The following CRPPA variants were observed in gnomAD, a reference collection of about 807,000 sequenced individuals.
CRPPA encodes CDP-L-ribitol pyrophosphorylase A, also known as D-ribitol-5-phosphate cytidylyltransferase.
A neutral mutation model predicts 52.0 loss-of-function variants in CRPPA; 43 were observed. That is an observed-to-expected ratio of 0.83 (90% confidence interval 0.65 to 1.07). The LOEUF (loss-of-function observed/expected upper bound fraction) is 1.07. Among genes scored for constraint, CRPPA ranks in the 50% least tolerant of loss-of-function variants. The pLI, the probability that CRPPA is intolerant of heterozygous loss-of-function variation, is 0.00. For synonymous variants in CRPPA, 250 were observed against 203.5 expected (o/e 1.23, Z -1.94); for missense variants, 629 against 551.7 (o/e 1.14, Z -1.40).
chr7:16,321,453 G>C (rs796723426), intron 3 of CRPPA, among the ~76,000 whole-genome samples: 10 of 151,982 alleles, frequency 6.6e-5, no homozygotes, highest in African/African-American at 1.9e-4. Flanking sequence ...AAATAACTTA[G>C]GGAAAAAAAA....
At chr7:16,191,452 A>C (rs1781607411) in intron 9 of CRPPA, among the ~76,000 whole-genome samples, 1 of 152,132 alleles carries the variant, frequency 6.6e-6, no homozygotes, top group South Asian at 2.1e-4. Flanking sequence ...AGATTTGCAG[A>C]CTTTGATAAT....
Position 16,247,331 on chromosome 7 carries a change from C to T in CRPPA, c.1119+11059G>A, listed in dbSNP as rs148591928. On this transcript the variant is annotated intron_variant, in intron 8 of 9. Transcript: ENST00000407010. ...CACAGGACTCTTCCTTTCACTTGAACACACAGGGGTCATTGTAGGGTTATT... is the reference window on the plus strand; with the variant it reads ...CACAGGACTCTTCCTTTCACTTGAATACACAGGGGTCATTGTAGGGTTATT... Among the ~76,000 whole-genome samples the T allele has an allele frequency of 9.5e-3, 1,447 of 152,268 alleles. 24 individuals carry two copies. Among genetic ancestry groups the T allele is most frequent in the African/African-American group, 0.032 (1,337 of 41,554 alleles).
At chr7:16,318,055 T>C (rs992395149) in intron 3 of CRPPA, among the ~76,000 whole-genome samples, 1 of 152,142 alleles carries the variant, frequency 6.6e-6, no homozygotes, top group African/African-American at 2.4e-5. Context: ...GTCAACACAG[T>C]CTCTAACTGG....
chr7:16,343,342 C>T (rs757620757), intron 3 of CRPPA, among the ~76,000 whole-genome samples: 2 of 152,064 alleles, frequency 1.3e-5, no homozygotes, highest in African/African-American at 4.8e-5. Flanking sequence ...ACTTCCTCTC[C>T]ACCCCCCAAC....
chr7:16,117,750 G>T (rs565971013), intron 9 of CRPPA, among the ~76,000 whole-genome samples: 1 of 152,138 alleles, frequency 6.6e-6, no homozygotes, highest in Non-Finnish European at 1.5e-5. Flanking sequence ...CATCTTCCTT[G>T]TAAGAAAGGC....
At position 16,282,967 on chromosome 7, in the gene CRPPA, G is replaced by A. The variant is rs1784347807; in HGVS notation, c.836-4741C>T. Among the ~76,000 whole-genome samples the A allele has an allele frequency of 2.6e-5, 4 of 151,890 alleles. No individual in the cohort carries two copies. The South Asian group carries it at 8.3e-4, about 31-fold the overall frequency. On this transcript the variant is annotated intron_variant, in intron 5 of 9. Coordinates refer to ENST00000407010, the MANE Select transcript of CRPPA (RefSeq NM_001101426.4). The stretch of plus-strand genomic sequence containing the variant: ...ACAAAATCATCATCAATTTCAACTG[G>A]TTGCACATCAGAATCAACATAAATA...
At chr7:16,404,648 G>A (rs1162225766) in intron 2 of CRPPA, among the ~76,000 whole-genome samples, 1 of 150,548 alleles carries the variant, frequency 6.6e-6, no homozygotes, top group South Asian at 2.1e-4. Flanking sequence ...TGTATAATAT[G>A]CGTTGCAATG....
At chr7:16,335,988 T>C (rs1165739008) in intron 3 of CRPPA, among the ~76,000 whole-genome samples, 1 of 152,186 alleles carries the variant, frequency 6.6e-6, no homozygotes, top group African/African-American at 2.4e-5. Context: ...GAAAAAATAC[T>C]GTCAAACAAG....
Position 16,376,122 on chromosome 7 carries a change from T to C in CRPPA, c.654A>G (p.Leu218=), listed in dbSNP as rs1359947092. The C allele has an allele frequency of 1.2e-6, 2 of 1,607,228 alleles. No homozygotes were observed. Among genetic ancestry groups the C allele is most frequent in the Non-Finnish European group, 1.7e-6 (2 of 1,176,722 alleles). The part of the protein sequence containing the change: ...HRASEMPQAF[L]FDVIYEAYQQ... ...GATATGCTTCATAAATCACATCAAA[T>C]AGAAAAGCTTGGGGCATTTCACTTG... Residue 218 remains leucine (L), a synonymous_variant, in exon 3 of 10, where the codon CTA becomes CTG. Coordinates refer to ENST00000407010, the MANE Select transcript of CRPPA (RefSeq NM_001101426.4).
intron 9 of CRPPA, among the ~76,000 whole-genome samples, chr7:16,142,902 G>A (rs964940821): frequency 1.3e-5 from 2 of 152,074 alleles, no homozygotes; most frequent in African/African-American, 4.8e-5. Context: ...AATTCACCAA[G>A]ATGATTTAAA....
rs116823677 is a variant in CRPPA at position 16,134,813 on chromosome 7, T to C, written c.1252-43014A>G. Among the ~76,000 whole-genome samples, 944 of 152,320 alleles carry C rather than the reference T, an allele frequency of 6.2e-3. 11 individuals are homozygous for C. Among genetic ancestry groups the C allele is most frequent in the African/African-American group, 0.021 (887 of 41,568 alleles). Reference sequence around the variant, plus strand: ...AGATCATGTACAAATTTATTAATTGTCAAAATATTAGAAATGCTCCTAAAA... The same window carrying C: ...AGATCATGTACAAATTTATTAATTGCCAAAATATTAGAAATGCTCCTAAAA... On this transcript the variant is annotated intron_variant, in intron 9 of 9. Transcript: ENST00000407010.
intron 8 of CRPPA, among the ~76,000 whole-genome samples, chr7:16,253,698 A>T (rs1355677594): frequency 2.6e-5 from 4 of 152,160 alleles, no homozygotes; most frequent in African/African-American, 9.7e-5. Context: ...CATGACTAAA[A>T]CACCAAAGCA....
chr7:16,401,371 A>G (rs993833590), intron 2 of CRPPA, among the ~76,000 whole-genome samples: 1 of 152,210 alleles, frequency 6.6e-6, no homozygotes, highest in African/African-American at 2.4e-5. Flanking sequence ...TTTTGGAAAG[A>G]ATGGTCAGAG....
chr7:16,236,385 T>C (rs144243354), intron 8 of CRPPA, among the ~76,000 whole-genome samples: 1 of 152,240 alleles, frequency 6.6e-6, no homozygotes, highest in African/African-American at 2.4e-5. Context: ...AGCTTAAGTA[T>C]TGAGCATTTA....
At chr7:16,336,571 A>AG (rs577983307) in intron 3 of CRPPA, among the ~76,000 whole-genome samples, 244 of 141,906 alleles carry the variant, frequency 1.7e-3, no homozygotes, top group African/African-American at 6.2e-3. Flanking sequence ...AAAAAAAAAA[A>AG]AGGAAAGAAG....
At chr7:16,103,927 T>C (rs1209085786) in intron 9 of CRPPA, among the ~76,000 whole-genome samples, 1 of 152,150 alleles carries the variant, frequency 6.6e-6, no homozygotes. Context: ...TTCAAAATTT[T>C]AAATTATAAA....
intron 8 of CRPPA, among the ~76,000 whole-genome samples, chr7:16,226,458 G>T (rs1039861252): frequency 6.6e-6 from 1 of 151,454 alleles, no homozygotes; most frequent in Non-Finnish European, 1.5e-5. Context: ...TTCCATGAAG[G>T]TACATCATGT....
At chr7:16,268,488 G>C (rs2128415324) in intron 6 of CRPPA, among the ~76,000 whole-genome samples, 1 of 152,082 alleles carries the variant, frequency 6.6e-6, no homozygotes, top group South Asian at 2.1e-4. Context: ...AAATATACTT[G>C]CAATATTTAT....
At chr7:16,158,705 A>C in intron 9 of CRPPA, among the ~76,000 whole-genome samples, 1 of 152,332 alleles carries the variant, frequency 6.6e-6, no homozygotes. Flanking sequence ...GATACTCTTA[A>C]AACAGCATAG....
Sources: allele counts gnomAD v4.1 joint callset (sites outside exome capture counted in the v4.1 genomes callset), GRCh38; gene constraint gnomAD v4.1.1; transcripts MANE v1.5; gene names NCBI Gene and HGNC (gene_info 2026-07-23, HGNC 2026-07-21).